The following MLXIP variants were observed in gnomAD, a reference collection of about 807,000 sequenced individuals.
MLXIP encodes the protein MLX-interacting protein.
MLXIP carries 30 observed loss-of-function variants against 87.2 expected under a neutral mutation model. The observed-to-expected ratio is 0.34, with a 90% confidence interval of 0.26 to 0.47. MLXIP has a LOEUF of 0.47. Among genes scored for constraint, MLXIP ranks in the 20% least tolerant of loss-of-function variants. The pLI, the probability that MLXIP is intolerant of heterozygous loss-of-function variation, is 1.00. For synonymous variants in MLXIP, 530 were observed against 514.0 expected, an observed-to-expected ratio of 1.03 and a Z score of -0.42; for missense variants, 1,002 against 1,240.1, an observed-to-expected ratio of 0.81 and a Z score of 2.88.
chr12:122,090,773 T>C (rs569390994), intron 1 of MLXIP, among the ~76,000 whole-genome samples: 112 of 152,246 alleles, frequency 7.4e-4, no homozygotes, highest in Non-Finnish European at 1.3e-3. Flanking sequence ...AAATAAAAAA[T>C]ATTGAAAACA....
intron 1 of MLXIP, among the ~76,000 whole-genome samples, chr12:122,126,428 A>G (rs1314732645): frequency 4.6e-5 from 7 of 152,200 alleles, no homozygotes; most frequent in Non-Finnish European, 1.0e-4. Context: ...AGGCCAGGCC[A>G]GCTCAGAGGA....
chr12:122,104,029 A>T (rs527934255), intron 1 of MLXIP, among the ~76,000 whole-genome samples: 41 of 152,200 alleles, frequency 2.7e-4, no homozygotes, highest in African/African-American at 8.7e-4. Context: ...TATTCCAATA[A>T]AGCTGTTACA....
chr12:122,085,212 C>A (rs1277748238), intron 1 of MLXIP, among the ~76,000 whole-genome samples: 3 of 152,034 alleles, frequency 2.0e-5, no homozygotes, highest in Non-Finnish European at 4.4e-5. Context: ...CATCGCATCC[C>A]CCTGGAAGGC....
intron 1 of MLXIP, among the ~76,000 whole-genome samples, chr12:122,105,541 T>C (rs905385354): frequency 2.6e-5 from 4 of 152,188 alleles, no homozygotes; most frequent in Admixed American, 2.0e-4. Flanking sequence ...TTCTCTGTGT[T>C]GGTCAGGCTG....
chr12:122,132,591 G>C (rs1769277885), intron 8 of MLXIP: 2 of 550,338 alleles, frequency 3.6e-6, no homozygotes, highest in Non-Finnish European at 3.2e-6. Context: ...GGAGACTCTT[G>C]GTCCAGGTGT....
chr12:122,121,759 C>T (rs1473092228), intron 1 of MLXIP, among the ~76,000 whole-genome samples: 1 of 152,210 alleles, frequency 6.6e-6, no homozygotes, highest in Non-Finnish European at 1.5e-5. Flanking sequence ...AAAGCAGTCT[C>T]TTGCCAGCCC....
At chr12:122,126,873 C>G (rs1952889442) in intron 1 of MLXIP, among the ~76,000 whole-genome samples, 1 of 152,126 alleles carries the variant, frequency 6.6e-6, no homozygotes, top group Non-Finnish European at 1.5e-5. Flanking sequence ...ATGAACAGCC[C>G]AAATGTAACC....
intron 1 of MLXIP, among the ~76,000 whole-genome samples, chr12:122,123,858 C>A (rs531986236): frequency 7.6e-4 from 115 of 152,270 alleles, no homozygotes; most frequent in South Asian, 4.3e-3. Context: ...TGCCACCATG[C>A]CCTGTTCACA....
At chr12:122,115,629 A>G (rs1248212447) in intron 1 of MLXIP, among the ~76,000 whole-genome samples, 1 of 151,488 alleles carries the variant, frequency 6.6e-6, no homozygotes, top group Non-Finnish European at 1.5e-5. Context: ...GACTACACAA[A>G]TATGTAACCT....
Position 122,079,006 on chromosome 12 carries a change from G to T in MLXIP, c.153G>T (p.Arg51=). The part of the protein sequence containing the change: ...PPASGAATPA[R]AHASAAPPPP... Reference sequence around the variant, plus strand: ...CCTCCGGCGCGGCCACCCCGGCCCGGGCCCACGCGAGCGCCGCGCCACCGC... The same window carrying T: ...CCTCCGGCGCGGCCACCCCGGCCCGTGCCCACGCGAGCGCCGCGCCACCGC... The change falls in exon 1 of 17, where the codon CGG becomes CGT. Residue 51 remains arginine, a synonymous_variant. Transcript: ENST00000319080. 8.3e-7 allele frequency: 1 copy of T among 1,208,130 alleles called. No individual in the cohort carries two copies. The highest frequency in any genetic ancestry group is 2.4e-5 in the South Asian group (1 of 41,904). The allele number at this position is 1,208,130 out of a possible 1,614,324, so 74.8% of individuals were successfully genotyped here.
Position 122,079,222 on chromosome 12 carries a change from C to T in MLXIP, c.369C>T (p.Asp123=). 1 of 1,551,278 alleles carries T rather than the reference C, an allele frequency of 6.4e-7. No individual in the cohort carries two copies. Among genetic ancestry groups the T allele is most frequent in the Non-Finnish European group, 8.7e-7 (1 of 1,146,816 alleles). The change falls in exon 1 of 17, where the codon GAC becomes GAT. Residue 123 remains aspartate, a synonymous_variant. Coordinates refer to ENST00000319080, the MANE Select transcript of MLXIP (RefSeq NM_014938.6). ...CTAGCTCCTGCCACCTGTCCATCGA[C>T]GCCTCGCTCACCAAGCTCTTCGAGT... The part of the protein sequence containing the change: ...GKTSSCHLSI[D]ASLTKLFECM...
At chr12:122,139,063 G>C in intron 15 of MLXIP, 125 bp downstream of exon 15, 1 of 1,418,952 alleles carries the variant, frequency 7.0e-7, no homozygotes, top group East Asian at 2.5e-5. Flanking sequence ...CTCACGACAG[G>C]CAGTGCTAGT....
chr12:122,121,050 G>T (rs140113153), intron 1 of MLXIP, among the ~76,000 whole-genome samples: 1,635 of 101,448 alleles, frequency 0.016, 27 homozygotes, highest in Middle Eastern at 0.061. Flanking sequence ...TCACTCTGTC[G>T]CCAGGCTGGA....
intron 6 of MLXIP, 135 bp downstream of exon 6, chr12:122,130,247 G>A (rs1952954103): frequency 2.1e-6 from 2 of 931,066 alleles, no homozygotes; most frequent in Non-Finnish European, 3.2e-6. Context: ...AGTAAGGAAG[G>A]GAAGGATGGC....
intron 1 of MLXIP, among the ~76,000 whole-genome samples, chr12:122,087,997 T>TG: frequency 6.6e-6 from 1 of 152,182 alleles, no homozygotes; most frequent in Non-Finnish European, 1.5e-5. Context: ...GCTGTGAAGC[T>TG]GGGGTATGTC....
chr12:122,115,548 A>G (rs1374922316), intron 1 of MLXIP, among the ~76,000 whole-genome samples: 3 of 135,138 alleles, frequency 2.2e-5, no homozygotes, highest in Non-Finnish European at 4.6e-5. Context: ...AGATCGCACC[A>G]TTGCACTCCA....
chr12:122,138,366 G>C, intron 13 of MLXIP, 58 bp from the exon 14 acceptor site: 1 of 1,611,914 alleles, frequency 6.2e-7, no homozygotes, highest in South Asian at 1.1e-5. Flanking sequence ...CGTGGTCATT[G>C]CTGGTGGCAG....
At chr12:122,108,170 C>T (rs1440138543) in intron 1 of MLXIP, among the ~76,000 whole-genome samples, 6 of 151,938 alleles carry the variant, frequency 3.9e-5, no homozygotes, top group African/African-American at 1.5e-4. Flanking sequence ...GAGATCAAGA[C>T]CATCCTGGCC....
chr12:122,113,661 C>A (rs1952638188), intron 1 of MLXIP, among the ~76,000 whole-genome samples: 1 of 148,932 alleles, frequency 6.7e-6, no homozygotes, highest in Non-Finnish European at 1.5e-5. Flanking sequence ...TTAGAACAGT[C>A]CATATAACTG....
Sources: allele counts gnomAD v4.1 joint callset (sites outside exome capture counted in the v4.1 genomes callset), GRCh38; gene constraint gnomAD v4.1.1; transcripts MANE v1.5; gene names NCBI Gene and HGNC (gene_info 2026-07-23, HGNC 2026-07-21).